LOXL2: variants seen among roughly 807,000 people sequenced by gnomAD.
LOXL2 encodes the protein lysyl oxidase like 2, also known as lysyl oxidase homolog 2.
A neutral mutation model predicts 93.0 loss-of-function variants in LOXL2; 70 were observed. That is an observed-to-expected ratio of 0.75 (90% CI 0.62 to 0.92). The LOEUF is 0.92. LOXL2 is among the 40% of genes least tolerant of loss of function. LOXL2 has a pLI of 0.00. For missense variants in LOXL2, 973 were observed against 1,054.9 expected (o/e 0.92, Z 1.08); for synonymous variants, 438 against 413.2 (o/e 1.06, Z -0.73).
Position 23,395,738 on chromosome 8 carries a change from C to A in LOXL2, c.-84+8216G>T, listed in dbSNP as rs112420270. Among the ~76,000 whole-genome samples, 1,207 of 152,152 alleles carry A rather than the reference C, an allele frequency of 7.9e-3. 13 individuals are homozygous for A. The highest frequency in any genetic ancestry group is 0.028 in the African/African-American group (1,146 of 41,518). The stretch of plus-strand genomic sequence containing the variant: ...TTTTGGAGGCAGAGTCTTACTCTGT[C>A]GCCCAGGCTGGAGCACAGTGGCACA... On this transcript the variant is annotated intron_variant, in intron 1 of 13. Coordinates refer to ENST00000389131, the MANE Select transcript of LOXL2 (RefSeq NM_002318.3).
intron 10 of LOXL2, among the ~76,000 whole-genome samples, chr8:23,306,777 G>A (rs1002460799): frequency 6.6e-6 from 1 of 152,242 alleles, no homozygotes; most frequent in East Asian, 1.9e-4. Context: ...TTGGCCTGTG[G>A]AGCCTGTTGT....
rs559518159 is a variant in LOXL2, at chr8:23,302,585, T to A, written c.1997-422A>T. Among the ~76,000 whole-genome samples, 3 of 152,346 alleles carry A rather than the reference T, an allele frequency of 2.0e-5. 1 individual carries two copies. The South Asian group carries it at 6.2e-4, about 32-fold the overall frequency. On this transcript the variant is annotated intron_variant, in intron 11 of 13. Coordinates refer to ENST00000389131, the MANE Select transcript of LOXL2 (RefSeq NM_002318.3). Reference sequence around the variant, plus strand: ...GTCTCTCTGACACTTACATGTTATCTGCACATGGTAAGAGGTCAACACCTG... The same window carrying A: ...GTCTCTCTGACACTTACATGTTATCAGCACATGGTAAGAGGTCAACACCTG...
chr8:23,364,397 C>T (rs1804362048), intron 2 of LOXL2: 1 of 152,222 alleles, frequency 6.6e-6, no homozygotes, highest in Non-Finnish European at 1.5e-5. Flanking sequence ...TTTTATGTTA[C>T]TCTTTGCTTC....
chr8:23,302,335 A>G (rs1003148097), intron 11 of LOXL2, among the ~76,000 whole-genome samples, 172 bp from the exon 12 acceptor site: 2 of 151,404 alleles, frequency 1.3e-5, no homozygotes, highest in African/African-American at 4.9e-5. Context: ...TCAATTCCCT[A>G]CCCACATCCT....
In LOXL2 at chr8:23,356,496, T is replaced by A. The variant is rs530374671; in HGVS notation, c.531+3594A>T. On this transcript the variant is annotated intron_variant, in intron 3 of 13. Transcript: ENST00000389131. ...CTACCCATCAGGCCAGCACTGCCAG[T>A]AAGCATGAGCCTTAGCCACAAAGCC... 3.9e-5 allele frequency among the ~76,000 whole-genome samples: 6 copies of A among 152,330 alleles called. No homozygotes were observed. The South Asian group carries it at 1.2e-3, about 32-fold the overall frequency.
chr8:23,347,857 T>C (rs1804019919), intron 3 of LOXL2, among the ~76,000 whole-genome samples: 1 of 152,072 alleles, frequency 6.6e-6, no homozygotes, highest in Admixed American at 6.5e-5. Flanking sequence ...TTACTGGGTA[T>C]ATACCCAAAG....
intron 3 of LOXL2, among the ~76,000 whole-genome samples, chr8:23,346,187 A>AAAT (rs1374940280): frequency 1.0e-3 from 116 of 114,492 alleles, no homozygotes; most frequent in African/African-American, 4.9e-3. Context: ...TAAAATAATA[A>AAAT]AATAAAATAA....
intron 1 of LOXL2, among the ~76,000 whole-genome samples, chr8:23,393,690 A>T (rs1409940718): frequency 6.6e-6 from 1 of 152,218 alleles, no homozygotes; most frequent in African/African-American, 2.4e-5. Context: ...AATATACGTA[A>T]ATTAAACTTT....
intron 9 of LOXL2, among the ~76,000 whole-genome samples, chr8:23,311,388 G>A (rs1803317264): frequency 6.6e-6 from 1 of 152,218 alleles, no homozygotes; most frequent in African/African-American, 2.4e-5. Context: ...TTTCTTCTTG[G>A]AGGCTACGCC....
chr8:23,334,412 A>T (rs1381796952), intron 4 of LOXL2, among the ~76,000 whole-genome samples: 6 of 152,250 alleles, frequency 3.9e-5, no homozygotes, highest in Non-Finnish European at 1.5e-5. Flanking sequence ...TCCCAACGAT[A>T]TACAAGATTA....
Position 23,403,018 on chromosome 8 carries a change from C to G in LOXL2, c.-84+936G>C, listed in dbSNP as rs181524049. Among the ~76,000 whole-genome samples, 325 of 152,168 alleles carry G rather than the reference C, an allele frequency of 2.1e-3. 2 individuals are homozygous for G. Among genetic ancestry groups the G allele is most frequent in the Admixed American group, 3.8e-3 (58 of 15,302 alleles). On this transcript the variant is annotated intron_variant, in intron 1 of 13. Transcript: ENST00000389131. ...TTTTTTGATGGTCTTAGCTCGGGCACGGAGAGGAGGGAACCTCGCTTGTTC... is the reference window on the plus strand; with the variant it reads ...TTTTTTGATGGTCTTAGCTCGGGCAGGGAGAGGAGGGAACCTCGCTTGTTC...
intron 1 of LOXL2, among the ~76,000 whole-genome samples, chr8:23,373,937 AT>A (rs1240703368): frequency 5.3e-5 from 8 of 152,094 alleles, no homozygotes; most frequent in Non-Finnish European, 1.5e-5. Flanking sequence ...AATGAAAAAA[AT>A]ATGTGGTCTT....
chr8:23,316,633 T>G, intron 9 of LOXL2: 4 of 320,966 alleles, frequency 1.2e-5, no homozygotes, highest in Non-Finnish European at 1.7e-5. Flanking sequence ...ATCGACCTCA[T>G]TTAACTGGCA....
chr8:23,391,616 C>T (rs116726684), intron 1 of LOXL2, among the ~76,000 whole-genome samples: 10 of 152,154 alleles, frequency 6.6e-5, no homozygotes, highest in Non-Finnish European at 8.8e-5. Flanking sequence ...ACTTTCAAGG[C>T]GATATTGAAG....
chr8:23,357,259 G>A (rs1484534658), intron 3 of LOXL2, among the ~76,000 whole-genome samples: 1 of 152,062 alleles, frequency 6.6e-6, no homozygotes, highest in Non-Finnish European at 1.5e-5. Flanking sequence ...TAGTAGAGAT[G>A]AGATTTCACC....
intron 7 of LOXL2, 77 bp from the exon 8 acceptor site, chr8:23,320,129 GT>G: frequency 6.8e-7 from 1 of 1,468,984 alleles, no homozygotes; most frequent in Non-Finnish European, 9.3e-7. Context: ...CAGCCCCAGT[GT>G]CCTGGAGTCC....
chr8:23,333,723 G>A, intron 4 of LOXL2, 100 bp from the exon 5 acceptor site: 1 of 941,726 alleles, frequency 1.1e-6, no homozygotes, highest in Non-Finnish European at 1.6e-6. Context: ...CCCTGCTCCT[G>A]GAGCTCAGCC....
intron 1 of LOXL2, among the ~76,000 whole-genome samples, chr8:23,394,953 A>G (rs1800069984): frequency 6.6e-6 from 1 of 152,202 alleles, no homozygotes; most frequent in Non-Finnish European, 1.5e-5. Flanking sequence ...ATACTGACAC[A>G]TGGTGAGGCT....
In LOXL2 at chr8:23,396,857, AG is replaced by A. The variant is rs574499294; in HGVS notation, c.-84+7096del. ...ATGTTCTATTCTTGATGTAGTAGCA[AG>A]GGCATGTTCACTTTGTAAAAGTTCA... On this transcript the variant is annotated intron_variant, in intron 1 of 13. Transcript: ENST00000389131. Among the ~76,000 whole-genome samples the A allele has an allele frequency of 2.6e-5, 4 of 152,348 alleles. No homozygotes were observed. The East Asian group carries it at 7.7e-4, about 29-fold the overall frequency.
Sources: allele counts gnomAD v4.1 joint callset (sites outside exome capture counted in the v4.1 genomes callset), GRCh38; gene constraint gnomAD v4.1.1; transcripts MANE v1.5; gene names NCBI Gene and HGNC (gene_info 2026-07-23, HGNC 2026-07-21).